The following SERPINB5 variants were observed in gnomAD, a reference collection of about 807,000 sequenced individuals.
SERPINB5 encodes serpin family B member 5, also known as serpin B5.
A neutral mutation model predicts 32.2 loss-of-function variants in SERPINB5; 27 were observed. The observed-to-expected ratio is 0.84, with a 90% CI of 0.62 to 1.16. The LOEUF (loss-of-function observed/expected upper bound fraction) is 1.16. Ranked by LOEUF, SERPINB5 falls within the 50% of genes most tolerant of loss-of-function variation. SERPINB5 has a pLI of 0.00. For synonymous variants in SERPINB5, 154 were observed against 157.4 expected (o/e 0.98, Z 0.16); for missense variants, 388 against 436.3 (o/e 0.89, Z 0.99).
rs1909374786 is a variant in SERPINB5 at position 63,493,094 on chromosome 18, A to G, written c.566A>G (p.Lys189Arg). Residue 189 changes from lysine (K) to arginine (R), a missense_variant and splice_region_variant, in exon 5 of 7, where the codon AAG becomes AGG. Transcript: ENST00000382771. ...AAAGAATGTCCTTTCAGAGTCAACA[A>G]GGTATGTGGGGCAGCATGTAGCAGT... ...ETKECPFRVN[K>R]TDTKPVQMMN... 3 of 1,614,206 alleles carry G rather than the reference A, an allele frequency of 1.9e-6. No homozygotes were observed. Among genetic ancestry groups the G allele is most frequent in the Non-Finnish European group, 2.5e-6 (3 of 1,180,038 alleles).
At chr18:63,495,831 A>G (rs1909435161) in intron 5 of SERPINB5, among the ~76,000 whole-genome samples, 1 of 152,210 alleles carries the variant, frequency 6.6e-6, no homozygotes, top group Non-Finnish European at 1.5e-5. Flanking sequence ...ATAAAATGCT[A>G]TTCACAGCTG....
In SERPINB5 at chr18:63,497,043, A is replaced by G. The variant is rs1909462069; in HGVS notation, c.568-2077A>G. 5.3e-6 allele frequency: 3 copies of G among 561,224 alleles called. No individual in the cohort carries two copies. In the Admixed American group the frequency reaches 5.7e-5, roughly 11 times the overall value. The allele number at this position is 561,224 out of a possible 1,614,324, so 34.8% of individuals were successfully genotyped here. ...TCCAGCTCTGATCCGCTGTTGTACT[A>G]GGGGTCTAATCCGGCCTGTGTCTGC... On this transcript the variant is annotated intron_variant, in intron 5 of 6. Transcript: ENST00000382771.
intron 6 of SERPINB5, among the ~76,000 whole-genome samples, chr18:63,502,114 T>G (rs117205882): frequency 8.1e-4 from 123 of 151,320 alleles, no homozygotes; most frequent in Non-Finnish European, 1.5e-3. Flanking sequence ...CTAAAGAAAA[T>G]GACCTTTTGA....
intron 3 of SERPINB5, among the ~76,000 whole-genome samples, chr18:63,488,432 T>C (rs1334736720): frequency 1.3e-5 from 2 of 152,210 alleles, no homozygotes; most frequent in Non-Finnish European, 2.9e-5. Context: ...AGATGGAGTC[T>C]TTCTCTGTTG....
intron 5 of SERPINB5, among the ~76,000 whole-genome samples, chr18:63,494,223 G>A (rs1433127665): frequency 1.3e-5 from 2 of 148,202 alleles, no homozygotes; most frequent in African/African-American, 4.9e-5. Flanking sequence ...TCAGGAGGCT[G>A]AGACAGGAGA....
intron 6 of SERPINB5, among the ~76,000 whole-genome samples, chr18:63,501,353 T>C (rs1042098781): frequency 6.6e-6 from 1 of 152,100 alleles, no homozygotes; most frequent in African/African-American, 2.4e-5. Context: ...TTCATCCGTG[T>C]CCCTACAAAG....
At chr18:63,481,796 G>A (rs956098977) in intron 1 of SERPINB5, among the ~76,000 whole-genome samples, 2 of 152,140 alleles carry the variant, frequency 1.3e-5, no homozygotes, top group Admixed American at 6.5e-5. Flanking sequence ...TTTCATTTTT[G>A]CCTCAGTATA....
At chr18:63,500,850 T>TA (rs1909556006) in intron 6 of SERPINB5, among the ~76,000 whole-genome samples, 1 of 152,146 alleles carries the variant, frequency 6.6e-6, no homozygotes, top group Non-Finnish European at 1.5e-5. Flanking sequence ...ACCACTTTAT[T>TA]AACTGAATTA....
intron 1 of SERPINB5, chr18:63,477,287 T>C (rs965671232): frequency 1.9e-4 from 29 of 152,114 alleles, no homozygotes; most frequent in African/African-American, 7.0e-4. Context: ...CACTTAACCA[T>C]ACAAGGTAAG....
At chr18:63,481,823 A>G (rs1917131577) in intron 1 of SERPINB5, among the ~76,000 whole-genome samples, 1 of 152,188 alleles carries the variant, frequency 6.6e-6, no homozygotes, top group Non-Finnish European at 1.5e-5. Context: ...TGACCTCAGT[A>G]TACACCTAAT....
intron 5 of SERPINB5, among the ~76,000 whole-genome samples, chr18:63,494,116 G>C (rs564607934): frequency 1.3e-5 from 2 of 152,036 alleles, no homozygotes; most frequent in East Asian, 3.9e-4. Context: ...GAGGTCAGGA[G>C]TTTGAGACCA....
At chr18:63,493,779 C>G (rs1909390133) in intron 5 of SERPINB5, 1 of 152,638 alleles carries the variant, frequency 6.6e-6, no homozygotes, top group Non-Finnish European at 1.5e-5. Flanking sequence ...GAATCAGACC[C>G]TGGGAGACAG....
chr18:63,499,819 T>A (rs1016431800), intron 6 of SERPINB5, among the ~76,000 whole-genome samples: 8 of 152,060 alleles, frequency 5.3e-5, no homozygotes, highest in African/African-American at 1.2e-4. Context: ...TCTTTTTTTT[T>A]AAAATTAGTA....
chr18:63,496,181 G>A (rs903242640), intron 5 of SERPINB5, among the ~76,000 whole-genome samples: 1 of 152,108 alleles, frequency 6.6e-6, no homozygotes, highest in African/African-American at 2.4e-5. Context: ...AGTCAGTGCC[G>A]ATAAGTGAAA....
In SERPINB5 at chr18:63,499,262, A is replaced by T. The variant is rs1437796494; in HGVS notation, c.710A>T (p.Glu237Val). 1.3e-6 allele frequency: 2 copies of T among 1,594,418 alleles called. No homozygotes were observed. The highest frequency in any genetic ancestry group is 1.7e-6 in the Non-Finnish European group (2 of 1,169,698). ...TTCATCCTACTACCCAAGGATGTGGAGGATGAGTCCACAGGCTTGGAGAAG... is the reference window on the plus strand; with the variant it reads ...TTCATCCTACTACCCAAGGATGTGGTGGATGAGTCCACAGGCTTGGAGAAG... ...SMFILLPKDV[E>V]DESTGLEKIE... The change falls in exon 6 of 7, where the codon GAG becomes GTG. Residue 237 changes from glutamate (E) to valine (V), a missense_variant. Transcript: ENST00000382771.
intron 5 of SERPINB5, among the ~76,000 whole-genome samples, chr18:63,496,321 A>C (rs1292844222): frequency 6.6e-6 from 1 of 152,232 alleles, no homozygotes; most frequent in Middle Eastern, 3.2e-3. Context: ...CTTTAGGAGA[A>C]ATAAAGGGAA....
intron 1 of SERPINB5, among the ~76,000 whole-genome samples, chr18:63,481,242 T>C (rs1917122360): frequency 6.6e-6 from 1 of 152,240 alleles, no homozygotes; most frequent in Non-Finnish European, 1.5e-5. Flanking sequence ...GACAAGTGAA[T>C]GAATAATGCT....
intron 4 of SERPINB5, among the ~76,000 whole-genome samples, chr18:63,492,676 A>C (rs1360270644): frequency 6.6e-6 from 1 of 152,232 alleles, no homozygotes; most frequent in Middle Eastern, 3.2e-3. Context: ...TGCCTGACAC[A>C]GAATAGGCAT....
chr18:63,488,486 G>T (rs1917248644), intron 3 of SERPINB5, among the ~76,000 whole-genome samples: 2 of 152,062 alleles, frequency 1.3e-5, no homozygotes, highest in South Asian at 2.1e-4. Context: ...CATTACAAAA[G>T]ATTTTTTAAA....
Sources: allele counts gnomAD v4.1 joint callset (sites outside exome capture counted in the v4.1 genomes callset), GRCh38; gene constraint gnomAD v4.1.1; transcripts MANE v1.5; gene names NCBI Gene and HGNC (gene_info 2026-07-23, HGNC 2026-07-21).